Variants in ZNF469 observed in about 807,000 individuals in gnomAD.
ZNF469 encodes zinc finger protein 469.
In ZNF469, 1 loss-of-function variant was observed where a neutral mutation model predicts 1.0. The ratio of observed to expected loss-of-function variants is 1.00; its 90% confidence interval spans 0.35 to 4.73. The LOEUF is 4.73. Ranked by LOEUF, ZNF469 falls within the 30% of genes most tolerant of loss-of-function variation. The probability of loss-of-function intolerance (pLI) is 0.16; values close to 1 mark genes in which losing one functional copy is unlikely to be tolerated. For synonymous variants in ZNF469, 2,703 were observed against 2,363.4 expected, an observed-to-expected ratio of 1.14 and a Z score of -4.17; for missense variants, 6,100 against 5,356.3, an observed-to-expected ratio of 1.14 and a Z score of -4.33.
the ZNF469 span, among the ~76,000 whole-genome samples, chr16:88,160,475 C>T: frequency 6.6e-6 from 1 of 152,168 alleles, no homozygotes; most frequent in Non-Finnish European, 1.5e-5. Context: ...GCACTTTGCA[C>T]TCTGACCTCG....
Position 88,431,167 on chromosome 16 carries a change from G to A in ZNF469, c.3697G>A (p.Glu1233Lys). 6.5e-7 allele frequency: 1 copy of A among 1,550,342 alleles called. No individual in the cohort carries two copies. Among genetic ancestry groups the A allele is most frequent in the East Asian group, 2.4e-5 (1 of 40,894 alleles). Reference protein sequence around the residue: ...QEAKEPETAEESAPDSTEFTE... With the variant: ...QEAKEPETAEKSAPDSTEFTE... ...GGCCAAGGAGCCTGAAACTGCCGAA[G>A]AGTCAGCCCCGGACAGCACAGAATT... The change falls in exon 3 of 3, where the codon GAG (glutamate) becomes AAG (lysine). Residue 1233 changes from glutamate to lysine, a missense_variant. Physicochemically the swap from Glu to Lys is moderately conservative, Grantham distance 56 (BLOSUM62 1). Transcript: ENST00000565624.
At chr16:88,154,772 G>T in the ZNF469 span, among the ~76,000 whole-genome samples, 2 of 152,216 alleles carry the variant, frequency 1.3e-5, no homozygotes, top group South Asian at 4.1e-4. Context: ...GCAGCTGCCC[G>T]TGCCATCGAG....
chr16:88,407,403 G>A (rs1263610312), intron 1 of ZNF469, among the ~76,000 whole-genome samples: 1 of 152,230 alleles, frequency 6.6e-6, no homozygotes, highest in African/African-American at 2.4e-5. Flanking sequence ...CAGGGATGGG[G>A]CGGACCCTCA....
the ZNF469 span, among the ~76,000 whole-genome samples, chr16:88,298,532 C>T: frequency 1.3e-5 from 2 of 152,212 alleles, no homozygotes. Context: ...TTGTTTTAAG[C>T]TTTTCACATT....
intron 1 of ZNF469, among the ~76,000 whole-genome samples, chr16:88,396,971 CA>C (rs1904698138): frequency 6.7e-6 from 1 of 149,396 alleles, no homozygotes; most frequent in African/African-American, 2.5e-5. Flanking sequence ...GAAGGGAGGC[CA>C]GGAGGAGACC....
chr16:88,272,925 G>C, the ZNF469 span, among the ~76,000 whole-genome samples: 1 of 147,770 alleles, frequency 6.8e-6, no homozygotes, highest in African/African-American at 2.5e-5. Flanking sequence ...TGTGTGGATA[G>C]ACGAGTGGAC....
chr16:88,420,817 C>T (rs370805894), intron 1 of ZNF469, among the ~76,000 whole-genome samples: 86 of 152,320 alleles, frequency 5.6e-4, no homozygotes, highest in African/African-American at 1.8e-3. Flanking sequence ...GGTGGGAAAA[C>T]GGGCTCAGAG....
At chr16:88,403,431 G>C (rs1904939125) in intron 1 of ZNF469, among the ~76,000 whole-genome samples, 1 of 152,180 alleles carries the variant, frequency 6.6e-6, no homozygotes. Context: ...GATTGGGCAG[G>C]TCACTGCTCT....
the ZNF469 span, among the ~76,000 whole-genome samples, chr16:88,197,025 G>A: frequency 6.6e-6 from 1 of 152,204 alleles, no homozygotes; most frequent in Non-Finnish European, 1.5e-5. Flanking sequence ...CTTGTTCAGC[G>A]GCTGGAATTC....
chr16:88,186,757 T>C, the ZNF469 span, among the ~76,000 whole-genome samples: 5 of 152,100 alleles, frequency 3.3e-5, no homozygotes, highest in African/African-American at 4.8e-5. Flanking sequence ...GGAAAATGTA[T>C]GTAAAGTAAA....
At chr16:88,212,360 T>C in the ZNF469 span, among the ~76,000 whole-genome samples, 3 of 152,322 alleles carry the variant, frequency 2.0e-5, no homozygotes, top group South Asian at 2.1e-4. Context: ...TCTCTTCTCC[T>C]TTCTTCTGTT....
chr16:88,338,739 C>G, the ZNF469 span, among the ~76,000 whole-genome samples: 4 of 152,062 alleles, frequency 2.6e-5, no homozygotes, highest in Non-Finnish European at 5.9e-5. Flanking sequence ...TGGGCAGACA[C>G]ACAGAGGAAG....
the ZNF469 span, among the ~76,000 whole-genome samples, chr16:88,326,364 C>G: frequency 6.6e-6 from 1 of 152,202 alleles, no homozygotes; most frequent in Admixed American, 6.5e-5. Flanking sequence ...ATTGTGAGGT[C>G]TCCCCAGCCA....
chr16:88,164,864 C>T, the ZNF469 span, among the ~76,000 whole-genome samples: 1 of 152,214 alleles, frequency 6.6e-6, no homozygotes, highest in African/African-American at 2.4e-5. Context: ...AGGACCAGCA[C>T]AGGACACTTC....
chr16:88,368,966 C>T, the ZNF469 span, among the ~76,000 whole-genome samples: 1 of 152,116 alleles, frequency 6.6e-6, no homozygotes, highest in African/African-American at 2.4e-5. Context: ...GTAATCCCAG[C>T]TACTTGGGAG....
chr16:88,309,360 G>A, the ZNF469 span, among the ~76,000 whole-genome samples: 5 of 152,294 alleles, frequency 3.3e-5, no homozygotes, highest in East Asian at 9.7e-4. Flanking sequence ...CCTGACGGGG[G>A]GAGTGCCCTC....
the ZNF469 span, among the ~76,000 whole-genome samples, chr16:88,362,916 TAGGGTTAAACC>T: frequency 6.6e-6 from 1 of 152,222 alleles, no homozygotes; most frequent in South Asian, 2.1e-4. Context: ...CATCTTTATC[TAGGGTTAAACC>T]ACGTCCATTA....
rs1906163662 is a variant in ZNF469, at chr16:88,431,313, G to A, written c.3843G>A (p.Ser1281=). 3.2e-6 allele frequency: 5 copies of A among 1,549,690 alleles called. No homozygotes were observed. In the South Asian group the frequency reaches 3.6e-5, roughly 11 times the overall value. ...ATGACACCGGCACCCCCAAGCCGTC[G>A]GGAAGCCTCGCCAACACGGCGCCCC... ...SRHDTGTPKP[S]GSLANTAPHG... Residue 1281 remains serine (S), a synonymous_variant, in exon 3 of 3, where the codon TCG becomes TCA. Transcript: ENST00000565624.
the ZNF469 span, among the ~76,000 whole-genome samples, chr16:88,225,124 T>C: frequency 2.0e-5 from 3 of 152,324 alleles, no homozygotes; most frequent in African/African-American, 7.2e-5. Context: ...CACCCGACCC[T>C]CTCAGCAGTT....
Sources: gnomAD v4.1 joint callset for allele counts (sites outside exome capture counted in the v4.1 genomes callset) on GRCh38, gnomAD v4.1.1 for gene constraint, MANE v1.5 for transcripts, NCBI Gene and HGNC (gene_info 2026-07-23, HGNC 2026-07-21) for gene names.